LMLN: variants seen among roughly 807,000 people sequenced by gnomAD.
The protein encoded by LMLN is leishmanolysin-like peptidase.
In LMLN, 70 loss-of-function variants were observed where a neutral mutation model predicts 92.3. The observed-to-expected ratio is 0.76, with a 90% CI of 0.63 to 0.92. The LOEUF is 0.92. Among genes scored for constraint, LMLN ranks in the 40% least tolerant of loss-of-function variants. The pLI, the probability that LMLN is intolerant of heterozygous loss-of-function variation, is 0.00. For missense variants in LMLN, 691 were observed against 814.6 expected (o/e 0.85, Z 1.85); for synonymous variants, 308 against 296.2 (o/e 1.04, Z -0.41).
chr3:197,981,838 T>C (rs1721566226), intron 6 of LMLN, among the ~76,000 whole-genome samples: 1 of 150,324 alleles, frequency 6.7e-6, no homozygotes, highest in Non-Finnish European at 1.5e-5. Context: ...ATAGTCTCGC[T>C]CTGTCACCCA....
chr3:198,018,245 G>A (rs1167094024), intron 11 of LMLN, among the ~76,000 whole-genome samples: 1 of 152,060 alleles, frequency 6.6e-6, no homozygotes, highest in Non-Finnish European at 1.5e-5. Flanking sequence ...AACAACTATT[G>A]GAACATGAGC....
chr3:198,023,180 T>TTTATTA (rs60913650), intron 13 of LMLN, among the ~76,000 whole-genome samples: 230 of 150,300 alleles, frequency 1.5e-3, no homozygotes, highest in African/African-American at 4.4e-3. Context: ...TGAATTCTGT[T>TTTATTA]TTATTATTAT....
At chr3:198,010,542 C>G (rs1234992243) in intron 11 of LMLN, among the ~76,000 whole-genome samples, 1 of 152,232 alleles carries the variant, frequency 6.6e-6, no homozygotes, top group Middle Eastern at 3.4e-3. Flanking sequence ...CCTTGACCTC[C>G]TGGGCTCAAG....
intron 12 of LMLN, among the ~76,000 whole-genome samples, chr3:198,020,768 ATTTTTTTTT>A (rs71166715): frequency 1.2e-3 from 40 of 32,868 alleles, no homozygotes; most frequent in East Asian, 4.5e-3. Context: ...TAATTTTTGT[ATTTTTTTTT>A]TTTTTTTTTT....
At chr3:198,034,150 A>G (rs192226043) in intron 14 of LMLN, among the ~76,000 whole-genome samples, 67 of 152,340 alleles carry the variant, frequency 4.4e-4, no homozygotes, top group African/African-American at 1.6e-3. Context: ...TCCAAAAATT[A>G]TATCTACTTG....
intron 11 of LMLN, among the ~76,000 whole-genome samples, chr3:198,008,708 CTCTACA>C (rs1722357157): frequency 6.6e-6 from 1 of 152,174 alleles, no homozygotes; most frequent in East Asian, 1.9e-4. Flanking sequence ...TCCTGGGCAT[CTCTACA>C]TAAATAAATG....
At chr3:197,988,768 A>G (rs771526938) in intron 8 of LMLN, among the ~76,000 whole-genome samples, 5 of 151,878 alleles carry the variant, frequency 3.3e-5, no homozygotes, top group Non-Finnish European at 5.9e-5. Context: ...TGCAACCTCC[A>G]TTTCCCAGGT....
intron 13 of LMLN, among the ~76,000 whole-genome samples, chr3:198,024,049 T>C (rs1406524206): frequency 1.3e-5 from 2 of 152,178 alleles, no homozygotes; most frequent in Admixed American, 1.3e-4. Flanking sequence ...GATGATTTTA[T>C]CTTGGTGTCT....
At chr3:198,006,171 G>C (rs1281000245) in intron 11 of LMLN, among the ~76,000 whole-genome samples, 1 of 152,138 alleles carries the variant, frequency 6.6e-6, no homozygotes, top group Non-Finnish European at 1.5e-5. Flanking sequence ...AATTCATATT[G>C]TATGTGAACT....
intron 9 of LMLN, among the ~76,000 whole-genome samples, 191 bp downstream of exon 9, chr3:197,990,867 C>G (rs1022304130): frequency 6.6e-6 from 1 of 152,150 alleles, no homozygotes; most frequent in African/African-American, 2.4e-5. Flanking sequence ...CAATGGCTCT[C>G]ACAGCTCCTA....
intron 5 of LMLN, 133 bp downstream of exon 5, chr3:197,976,848 T>C (rs535487469): frequency 2.5e-4 from 116 of 461,992 alleles, no homozygotes; most frequent in Admixed American, 2.2e-3. Flanking sequence ...ACCACAGATA[T>C]GCTGATTTTA....
intron 14 of LMLN, among the ~76,000 whole-genome samples, chr3:198,028,096 C>T (rs543196489): frequency 7.2e-5 from 11 of 152,246 alleles, no homozygotes; most frequent in East Asian, 1.9e-4. Flanking sequence ...CGTGGCCTTC[C>T]GCACCGTCAG....
At chr3:198,034,460 A>C (rs1723156705) in intron 14 of LMLN, among the ~76,000 whole-genome samples, 2 of 152,050 alleles carry the variant, frequency 1.3e-5, no homozygotes, top group Non-Finnish European at 2.9e-5. Flanking sequence ...AAATACAAAA[A>C]TTTAGCTGGG....
chr3:197,973,980 G>T (rs1024008032), intron 1 of LMLN, among the ~76,000 whole-genome samples: 5 of 152,074 alleles, frequency 3.3e-5, no homozygotes, highest in African/African-American at 1.2e-4. Context: ...ATTCAAAATG[G>T]AAACCTCTTT....
chr3:198,012,832 C>G (rs868129662), intron 11 of LMLN, among the ~76,000 whole-genome samples: 223 of 135,908 alleles, frequency 1.6e-3, no homozygotes, highest in Middle Eastern at 4.4e-3. Context: ...TGACTTCTCT[C>G]CACCCTTCAG....
intron 8 of LMLN, 24 bp downstream of exon 8, chr3:197,985,914 G>A: frequency 7.0e-7 from 1 of 1,421,260 alleles, no homozygotes; most frequent in Non-Finnish European, 9.9e-7. Context: ...TGTTGCTCTT[G>A]TTCTCCTCTT....
At chr3:197,993,211 A>G (rs1302264187) in intron 9 of LMLN, among the ~76,000 whole-genome samples, 3 of 152,176 alleles carry the variant, frequency 2.0e-5, no homozygotes, top group Non-Finnish European at 2.9e-5. Context: ...CCTTTCCTCC[A>G]AGATCTGGAA....
chr3:197,980,689 A>G (rs1407747159), intron 6 of LMLN, 185 bp downstream of exon 6: 2 of 474,240 alleles, frequency 4.2e-6, no homozygotes, highest in Non-Finnish European at 3.7e-6. Flanking sequence ...TATTAATGTG[A>G]TAACCCAAGT....
intron 14 of LMLN, among the ~76,000 whole-genome samples, chr3:198,029,164 G>C (rs1451384559): frequency 6.6e-6 from 1 of 152,170 alleles, no homozygotes; most frequent in African/African-American, 2.4e-5. Context: ...GGTCAATACA[G>C]ACTAAGTCTT....
Sources: gnomAD v4.1 joint callset for allele counts (sites outside exome capture counted in the v4.1 genomes callset) on GRCh38, gnomAD v4.1.1 for gene constraint, MANE v1.5 for transcripts, NCBI Gene and HGNC (gene_info 2026-07-23, HGNC 2026-07-21) for gene names.